Variants in CTNND2 observed in about 807,000 individuals in gnomAD.
CTNND2 encodes catenin delta 2.
A neutral mutation model predicts 144.4 loss-of-function variants in CTNND2; 22 were observed. That is an observed-to-expected ratio of 0.15 (90% CI 0.11 to 0.22). CTNND2 has a LOEUF of 0.22. Among genes scored for constraint, CTNND2 ranks in the 10% least tolerant of loss-of-function variants. The pLI, the probability that CTNND2 is intolerant of heterozygous loss-of-function variation, is 1.00. For synonymous variants in CTNND2, 751 were observed against 695.6 expected (o/e 1.08, Z -1.25); for missense variants, 1,353 against 1,618.8 (o/e 0.84, Z 2.82).
intron 2 of CTNND2, among the ~76,000 whole-genome samples, chr5:11,718,181 G>A (rs550750711): frequency 6.6e-6 from 1 of 152,194 alleles, no homozygotes; most frequent in East Asian, 1.9e-4. Flanking sequence ...ACTACGACAG[G>A]CCCTTTCCAT....
chr5:11,431,827 T>C (rs1291803771), intron 3 of CTNND2, among the ~76,000 whole-genome samples: 3 of 152,078 alleles, frequency 2.0e-5, no homozygotes, highest in Non-Finnish European at 4.4e-5. Flanking sequence ...TTGGTGTTGT[T>C]AAAGCGGCTA....
intron 2 of CTNND2, among the ~76,000 whole-genome samples, chr5:11,626,662 C>T (rs908239764): frequency 6.6e-6 from 1 of 152,164 alleles, no homozygotes; most frequent in Non-Finnish European, 1.5e-5. Flanking sequence ...GAAGCAAAGA[C>T]AGCAAAATTA....
At chr5:11,243,949 G>A (rs1742718668) in intron 9 of CTNND2, among the ~76,000 whole-genome samples, 1 of 152,178 alleles carries the variant, frequency 6.6e-6, no homozygotes. Flanking sequence ...GGGCAGGGCT[G>A]TGTGGACATT....
At position 11,250,524 on chromosome 5, in the gene CTNND2, T is replaced by A. The variant is rs1397653701; in HGVS notation, c.1629-13701A>T. On this transcript the variant is annotated intron_variant, in intron 9 of 21. Transcript: ENST00000304623. Reference sequence around the variant, plus strand: ...ATATATATATATATACATATATTTTTTTTTTTTTTTAGAGACAGGGTCTTG... The same window carrying A: ...ATATATATATATATACATATATTTTATTTTTTTTTTAGAGACAGGGTCTTG... 5.7e-4 allele frequency among the ~76,000 whole-genome samples: 80 copies of A among 139,564 alleles called. 1 individual carries two copies. The highest frequency in any genetic ancestry group is 6.0e-4 in the East Asian group (3 of 4,972). The allele number at this position is 139,564 out of a possible 152,430, so 91.6% of individuals were successfully genotyped here.
intron 1 of CTNND2, among the ~76,000 whole-genome samples, chr5:11,758,510 G>A (rs1260485923): frequency 6.6e-6 from 1 of 151,872 alleles, no homozygotes; most frequent in African/African-American, 2.4e-5. Context: ...ATCCACTCAG[G>A]CCTTAGCATC....
chr5:11,600,831 A>C (rs1779754574), intron 2 of CTNND2, among the ~76,000 whole-genome samples: 1 of 152,170 alleles, frequency 6.6e-6, no homozygotes. Flanking sequence ...CACAGAAATC[A>C]GAAGGTAATG....
chr5:11,678,984 C>T (rs910520761), intron 2 of CTNND2, among the ~76,000 whole-genome samples: 13 of 151,848 alleles, frequency 8.6e-5, no homozygotes, highest in Admixed American at 3.3e-4. Context: ...GGGATGGACA[C>T]CGATGGTTCT....
At chr5:11,831,330 AAG>A (rs1259096959) in intron 1 of CTNND2, among the ~76,000 whole-genome samples, 1 of 152,082 alleles carries the variant, frequency 6.6e-6, no homozygotes, top group Non-Finnish European at 1.5e-5. Context: ...TAGAGTAATC[AAG>A]ACAGTATCTT....
At chr5:11,371,200 T>C (rs1034273540) in intron 7 of CTNND2, among the ~76,000 whole-genome samples, 2 of 152,240 alleles carry the variant, frequency 1.3e-5, no homozygotes, top group African/African-American at 4.8e-5. Context: ...TCTATGATAG[T>C]TGATGGCTTT....
intron 9 of CTNND2, among the ~76,000 whole-genome samples, chr5:11,246,015 G>C (rs1327013235): frequency 6.6e-6 from 1 of 152,178 alleles, no homozygotes; most frequent in Non-Finnish European, 1.5e-5. Context: ...CTCTTGCCAT[G>C]TTCCTGCAGG....
At chr5:11,293,206 A>G (rs1049880196) in intron 9 of CTNND2, among the ~76,000 whole-genome samples, 3 of 152,194 alleles carry the variant, frequency 2.0e-5, no homozygotes, top group Non-Finnish European at 4.4e-5. Flanking sequence ...CTGTGATTAG[A>G]AAGCCCAAGT....
At chr5:11,146,778 T>G (rs1757283677) in intron 12 of CTNND2, among the ~76,000 whole-genome samples, 1 of 152,224 alleles carries the variant, frequency 6.6e-6, no homozygotes, top group African/African-American at 2.4e-5. Context: ...AAATATATTC[T>G]GTTTGATAAA....
Position 10,973,681 on chromosome 5 carries a change from G to A in CTNND2, c.3450C>T (p.Ser1150=), listed in dbSNP as rs1260005336. Residue 1150 remains serine (S), a synonymous_variant, in exon 22 of 22, where the codon AGC becomes AGT. Coordinates refer to ENST00000304623, the MANE Select transcript of CTNND2 (RefSeq NM_001332.4). This position sits in a 1 kb window ranked among gnomAD's most constrained non-coding sequence, Gnocchi z 5.6. ...VSAQPVPQEP[S]RKDYETYQPF... Reference sequence around the variant, plus strand: ...GCTGGTAGGTCTCGTAATCTTTTCTGCTGGGCTCCTGTGGGACTGGCTGTG... The same window carrying A: ...GCTGGTAGGTCTCGTAATCTTTTCTACTGGGCTCCTGTGGGACTGGCTGTG... 3 of 1,611,514 alleles carry A rather than the reference G, an allele frequency of 1.9e-6. No individual in the cohort carries two copies. The highest frequency in any genetic ancestry group is 1.1e-5 in the South Asian group (1 of 90,498).
chr5:11,653,284 G>C (rs1475215306), intron 2 of CTNND2, among the ~76,000 whole-genome samples: 1 of 152,040 alleles, frequency 6.6e-6, no homozygotes, highest in Admixed American at 6.6e-5. Context: ...TAGTGCGATT[G>C]CTGTGTGGTA....
At chr5:11,108,009 C>A (rs1047882020) in intron 14 of CTNND2, among the ~76,000 whole-genome samples, 1 of 152,158 alleles carries the variant, frequency 6.6e-6, no homozygotes, top group Non-Finnish European at 1.5e-5. Flanking sequence ...CCAGAAAATT[C>A]GCTCTCTTTG....
intron 9 of CTNND2, among the ~76,000 whole-genome samples, chr5:11,283,872 G>C (rs1747442167): frequency 6.6e-6 from 1 of 152,106 alleles, no homozygotes; most frequent in African/African-American, 2.4e-5. Flanking sequence ...AATTCCTTAA[G>C]TTAAACAGTA....
chr5:11,900,147 AAGAT>A (rs1737741537), intron 1 of CTNND2, among the ~76,000 whole-genome samples: 1 of 152,220 alleles, frequency 6.6e-6, no homozygotes, highest in Non-Finnish European at 1.5e-5. Flanking sequence ...ATATTTATCT[AAGAT>A]AGAAAGGTTC....
chr5:11,037,047 A>C (rs148630330), intron 16 of CTNND2, among the ~76,000 whole-genome samples: 1 of 152,226 alleles, frequency 6.6e-6, no homozygotes, highest in Non-Finnish European at 1.5e-5. Context: ...AGAATGGCAC[A>C]ATAATGGTCA....
intron 3 of CTNND2, among the ~76,000 whole-genome samples, chr5:11,530,022 T>C (rs1773599209): frequency 1.3e-5 from 2 of 150,994 alleles, no homozygotes; most frequent in Non-Finnish European, 2.9e-5. Flanking sequence ...TATTGTACCT[T>C]GCAGTAAGCT....
Sources: gnomAD v4.1 joint callset for allele counts (sites outside exome capture counted in the v4.1 genomes callset) on GRCh38, gnomAD v4.1.1 for gene constraint, Gnocchi (gnomAD v3.1) non-coding constraint, MANE v1.5 for transcripts, NCBI Gene and HGNC (gene_info 2026-07-23, HGNC 2026-07-21) for gene names.